The following LSS variants were observed in gnomAD, a reference collection of about 807,000 sequenced individuals.
LSS encodes lanosterol synthase.
A neutral mutation model predicts 110.3 loss-of-function variants in LSS; 90 were observed. That is an observed-to-expected ratio of 0.82 (90% CI 0.69 to 0.97). The LOEUF is 0.97. Ranked by LOEUF, LSS falls within the 50% of genes least tolerant of loss-of-function variation. LSS has a pLI of 0.00. For missense variants in LSS, 927 were observed against 990.0 expected (o/e 0.94, Z 0.85); for synonymous variants, 433 against 400.0 (o/e 1.08, Z -0.98).
intron 19 of LSS, 130 bp downstream of exon 19, chr21:46,195,546 A>C: frequency 1.2e-6 from 1 of 866,388 alleles, no homozygotes; most frequent in South Asian, 1.5e-5. Flanking sequence ...CGGTTGACAG[A>C]GCGAGACTCC....
chr21:46,207,671 A>G, intron 14 of LSS, 94 bp from the exon 15 acceptor site: 1 of 1,421,070 alleles, frequency 7.0e-7, no homozygotes. Context: ...CCCACCACAG[A>G]GCACCCGGTC....
In LSS at chr21:46,215,181, G is replaced by A. The variant is rs139587765; in HGVS notation, c.1010C>T (p.Pro337Leu). 24 of 1,608,626 alleles carry A rather than the reference G, an allele frequency of 1.5e-5. No homozygotes were observed. Among genetic ancestry groups the A allele is most frequent in the Non-Finnish European group, 2.0e-5 (23 of 1,179,422 alleles). The change falls in exon 9 of 22, where the codon CCG becomes CTG. Residue 337 changes from proline (P) to leucine (L), a missense_variant and splice_region_variant. By Grantham distance (98) the Pro-to-Leu change is moderately conservative (BLOSUM62 -3). Coordinates refer to ENST00000397728, the MANE Select transcript of LSS (RefSeq NM_002340.6). ...CAGAGGCCGGGCAGGGGCACTGACC[G>A]GGCCGATGCTGATGCTCTTGGTGAA... Reference protein sequence around the residue: ...DRFTKSISIGPISKTINMLVR... With the variant: ...DRFTKSISIGLISKTINMLVR...
chr21:46,202,229 C>T (rs989324238), intron 17 of LSS, among the ~76,000 whole-genome samples: 1 of 143,974 alleles, frequency 6.9e-6, no homozygotes, highest in Non-Finnish European at 1.5e-5. Flanking sequence ...CCCGTCTCTA[C>T]TAAAAATACA....
intron 9 of LSS, among the ~76,000 whole-genome samples, chr21:46,214,673 G>A (rs1443693938): frequency 6.6e-6 from 1 of 152,194 alleles, no homozygotes; most frequent in Non-Finnish European, 1.5e-5. Context: ...CACCCTCTAA[G>A]GTCACTGAAC....
At chr21:46,219,630 G>T in intron 5 of LSS, 58 bp from the exon 6 acceptor site, 1 of 1,114,930 alleles carries the variant, frequency 9.0e-7, no homozygotes, top group South Asian at 1.6e-5. Flanking sequence ...AGTCTGCACT[G>T]CCTCTAGCTG....
At chr21:46,208,167 C>A in intron 14 of LSS, 84 bp downstream of exon 14, 2 of 1,321,960 alleles carry the variant, frequency 1.5e-6, no homozygotes, top group Non-Finnish European at 2.1e-6. Context: ...AGGGAGGAGC[C>A]CCCCCTTCAG....
chr21:46,223,420 C>A (rs1379953810), intron 3 of LSS, among the ~76,000 whole-genome samples: 3 of 152,174 alleles, frequency 2.0e-5, no homozygotes, highest in African/African-American at 7.2e-5. Context: ...GGGCAGACCC[C>A]AGCCACATGT....
chr21:46,215,656 G>T, intron 8 of LSS, 29 bp downstream of exon 8: 1 of 1,507,970 alleles, frequency 6.6e-7, no homozygotes, highest in Non-Finnish European at 9.1e-7. Flanking sequence ...ACCCTGGGCT[G>T]CCCTGCCGGC....
Position 46,196,284 on chromosome 21 carries a change from G to C in LSS, c.1671-17C>G, listed in dbSNP as rs1203435405. ...AGGGTCTCCCTGGAACACGAGATTG[G>C]TCCAGTGAACATTCTGGTAAAACAG... On this transcript the variant is annotated splice_polypyrimidine_tract_variant and intron_variant, in intron 17 of 21. Coordinates refer to ENST00000397728, the MANE Select transcript of LSS (RefSeq NM_002340.6). 2.5e-6 allele frequency: 4 copies of C among 1,609,830 alleles called. No homozygotes were observed. The highest frequency in any genetic ancestry group is 1.3e-5 in the African/African-American group (1 of 74,834).
At chr21:46,199,540 GT>G (rs1475335583) in intron 17 of LSS, among the ~76,000 whole-genome samples, 3 of 152,216 alleles carry the variant, frequency 2.0e-5, no homozygotes, top group African/African-American at 7.2e-5. Flanking sequence ...GAAAACTTAT[GT>G]GCACGCTAAC....
In LSS at chr21:46,196,192, G is replaced by A. The variant is rs900211080; in HGVS notation, c.1736+10C>T. 5 of 1,613,422 alleles carry A rather than the reference G, an allele frequency of 3.1e-6. No individual in the cohort carries two copies. The highest frequency in any genetic ancestry group is 4.2e-6 in the Non-Finnish European group (5 of 1,179,618). ...TGCATCTCTGCACTCACGAGTGGAG[G>A]CTCACTCACCCTTCCCAGGAGCCAT... is the stretch of plus-strand genomic sequence containing the variant. On this transcript the variant is annotated intron_variant, in intron 18 of 21. Coordinates refer to ENST00000397728, the MANE Select transcript of LSS (RefSeq NM_002340.6).
chr21:46,197,890 A>AAAAAAAC (rs992386314), intron 17 of LSS, among the ~76,000 whole-genome samples: 2 of 152,118 alleles, frequency 1.3e-5, no homozygotes, highest in African/African-American at 2.4e-5. Flanking sequence ...GTCTCAAAAA[A>AAAAAAAC]AAAAAACAAA....
In LSS at chr21:46,189,417, A is replaced by AAAT. The variant is rs552115427; in HGVS notation, c.*1684_*1686dup. On this transcript the variant is annotated 3_prime_UTR_variant, in exon 22 of 22. Transcript: ENST00000397728. ...GGTCCCAACACAGTTCCTTCAGCGA[A>AAAT]AATAAAGCCCAGTTTTAAGATGTGC... is the stretch of plus-strand genomic sequence containing the variant. 2.2e-5 allele frequency: 7 copies of AAAT among 323,294 alleles called. No individual in the cohort carries two copies. Among genetic ancestry groups the AAAT allele is most frequent in the Non-Finnish European group, 4.3e-5 (7 of 164,378 alleles). 20.0% of individuals were successfully genotyped at this position (323,294 alleles called of 1,614,324 possible). A position where few individuals can be genotyped will look rare whatever the true frequency, so the allele number is the denominator to read the frequency against.
intron 13 of LSS, 71 bp from the exon 14 acceptor site, chr21:46,208,372 G>A: frequency 7.6e-7 from 1 of 1,317,344 alleles, no homozygotes; most frequent in Non-Finnish European, 1.1e-6. Context: ...CTGGGACATC[G>A]CTGAGACAGA....
rs1377011575 is a variant in LSS at position 46,189,505 on chromosome 21, G to A, written c.*1599C>T. ...CCTGCAGGGCTCTGAGCAGGCAGGC[G>A]AGTCCCAAGGAGAGTCAGTGACAGC... On this transcript the variant is annotated 3_prime_UTR_variant, in exon 22 of 22. Transcript: ENST00000397728. 1.4e-5 allele frequency: 5 copies of A among 366,796 alleles called. No individual in the cohort carries two copies. Among genetic ancestry groups the A allele is most frequent in the East Asian group, 7.5e-5 (1 of 13,358 alleles). The allele number at this position is 366,796 out of a possible 1,614,324, so 22.7% of individuals were successfully genotyped here. A position where few individuals can be genotyped will look rare whatever the true frequency, so the allele number is the denominator to read the frequency against.
chr21:46,200,453 A>G (rs559738626), intron 17 of LSS, among the ~76,000 whole-genome samples: 23 of 152,320 alleles, frequency 1.5e-4, no homozygotes, highest in African/African-American at 5.3e-4. Flanking sequence ...TAATCAAGGG[A>G]TCAAAGTTGG....
Position 46,207,470 on chromosome 21 carries a change from G to A in LSS, c.1425C>T (p.Thr475=), listed in dbSNP as rs201931222. 5.0e-5 allele frequency: 81 copies of A among 1,612,418 alleles called. No individual in the cohort carries two copies. The East Asian group carries it at 6.0e-4, about 12-fold the overall frequency. ...LLLQEKCPHV[T]EHIPRERLCD... The stretch of plus-strand genomic sequence containing the variant: ...AGAGCCGTTCTCTGGGGATGTGCTC[G>A]GTGACATGGGGACACTTCTCCTGCA... Residue 475 remains threonine, a synonymous_variant, in exon 15 of 22, where the codon ACC becomes ACT. Coordinates refer to ENST00000397728, the MANE Select transcript of LSS (RefSeq NM_002340.6).
chr21:46,202,190 C>T (rs1280467413), intron 17 of LSS, among the ~76,000 whole-genome samples: 3 of 141,240 alleles, frequency 2.1e-5, no homozygotes, highest in South Asian at 2.2e-4. Context: ...GTCAGGAGAT[C>T]GAGACCATCC....
chr21:46,197,047 G>A (rs930561934), intron 17 of LSS, among the ~76,000 whole-genome samples: 1 of 152,260 alleles, frequency 6.6e-6, no homozygotes, highest in South Asian at 2.1e-4. Flanking sequence ...CTGAGGCAGA[G>A]GACGACCTGC....
Sources: gnomAD v4.1 joint callset for allele counts (sites outside exome capture counted in the v4.1 genomes callset) on GRCh38, gnomAD v4.1.1 for gene constraint, MANE v1.5 for transcripts, NCBI Gene and HGNC (gene_info 2026-07-23, HGNC 2026-07-21) for gene names.